Variants in BCORL1 observed in about 807,000 individuals in gnomAD.
The protein encoded by BCORL1 is BCL-6 corepressor-like protein 1.
In BCORL1, 7 loss-of-function variants were observed where a neutral mutation model predicts 87.6. The ratio of observed to expected loss-of-function variants is 0.08; its 90% CI spans 0.05 to 0.15. The LOEUF (loss-of-function observed/expected upper bound fraction) is 0.15. Ranked by LOEUF, BCORL1 falls within the 10% of genes least tolerant of loss-of-function variation. BCORL1 has a pLI of 1.00. For missense variants in BCORL1, 1,215 were observed against 1,499.7 expected, an observed-to-expected ratio of 0.81 and a Z score of 3.13; for synonymous variants, 591 against 634.4, an observed-to-expected ratio of 0.93 and a Z score of 1.03.
chrX:130,024,287 G>A (rs1437787525), intron 6 of BCORL1, among the ~76,000 whole-genome samples: 1 of 111,122 alleles, frequency 9.0e-6, no homozygotes, highest in East Asian at 2.8e-4. Flanking sequence ...GGTGGAGGGA[G>A]GTGCCTGGGA....
At chrX:130,025,874 A>G (rs1454666597) in intron 7 of BCORL1, among the ~76,000 whole-genome samples, 1 of 111,121 alleles carries the variant, frequency 9.0e-6, no homozygotes, top group Non-Finnish European at 1.9e-5. Flanking sequence ...CGGGCACAGC[A>G]TTGCTTTATC....
In BCORL1 at chrX:130,015,132, C is replaced by T; in HGVS notation, c.2360C>T (p.Pro787Leu). The change falls in exon 4 of 14, where the codon CCA becomes CTA. Residue 787 changes from proline (P) to leucine (L), a missense_variant. Transcript: ENST00000540052. ...CCAAGCACAGTGAAACGATATACTC[C>T]AGCCCGCATTGCCCCTGGGCTGCCA... ...GQPSTVKRYT[P>L]ARIAPGLPGC... is the part of the protein sequence containing the mutation. 1 of 1,212,347 alleles carries T rather than the reference C, an allele frequency of 8.2e-7. No homozygotes were observed. Among genetic ancestry groups the T allele is most frequent in the Non-Finnish European group, 1.1e-6 (1 of 895,624 alleles).
chrX:130,039,431 A>G, intron 11 of BCORL1, 149 bp downstream of exon 11: 4 of 766,024 alleles, frequency 5.2e-6, no homozygotes, highest in Non-Finnish European at 7.4e-6. Flanking sequence ...CAAAGAGCTC[A>G]AGAATCTCAG....
At chrX:130,052,546 G>A (rs754497848) in intron 13 of BCORL1, among the ~76,000 whole-genome samples, 1 of 112,216 alleles carries the variant, frequency 8.9e-6, no homozygotes, top group South Asian at 3.7e-4. Flanking sequence ...TATTTAAGGA[G>A]ACTAGAATAT....
chrX:130,057,299 A>G lies in BCORL1; in HGVS notation c.*1163A>G, dbSNP rs2124601210. The G allele has an allele frequency of 9.0e-6, 1 of 111,195 alleles. No individual in the cohort carries two copies. Among genetic ancestry groups the G allele is most frequent in the East Asian group, 2.9e-4 (1 of 3,483 alleles). 9.2% of individuals were successfully genotyped at this position (111,195 alleles called of 1,213,427 possible). On this transcript the variant is annotated 3_prime_UTR_variant, in exon 14 of 14. Coordinates refer to ENST00000540052, the MANE Select transcript of BCORL1 (RefSeq NM_001379451.1). ...GCTGTTTCCTAGGCAAGGGCAGGAA[A>G]GTGGTCTCCAGCCCTTGCTCCACTC... is the stretch of plus-strand genomic sequence containing the variant.
chrX:130,011,780 G>A (rs1928994763), intron 2 of BCORL1, among the ~76,000 whole-genome samples: 1 of 110,551 alleles, frequency 9.0e-6, no homozygotes, highest in Admixed American at 9.7e-5. Context: ...TTTTCGGACA[G>A]GAGAGAACAA....
rs944844361 is a variant in BCORL1 at position 130,034,444 on chromosome X, C to T, written c.4306-11C>T. On this transcript the variant is annotated splice_polypyrimidine_tract_variant and intron_variant, in intron 8 of 13. Coordinates refer to ENST00000540052, the MANE Select transcript of BCORL1 (RefSeq NM_001379451.1). ...CCTGACCTGACCTAGGACTGCATCT[C>T]TGCTTTCCAGGGCAAAGGTCGTTGG... The T allele has an allele frequency of 4.0e-5, 39 of 978,847 alleles. No homozygotes were observed. Among genetic ancestry groups the T allele is most frequent in the Non-Finnish European group, 5.0e-5 (38 of 753,675 alleles). The allele number at this position is 978,847 out of a possible 1,213,427, so 80.7% of individuals were successfully genotyped here. A position where few individuals can be genotyped will look rare whatever the true frequency, so the allele number is the denominator to read the frequency against.
At chrX:130,054,137 ACT>A (rs1347529847) in intron 13 of BCORL1, among the ~76,000 whole-genome samples, 1 of 111,946 alleles carries the variant, frequency 8.9e-6, no homozygotes, top group Admixed American at 9.5e-5. Flanking sequence ...TATATAATTA[ACT>A]CTAATAAAAG....
upstream of BCORL1, among the ~76,000 whole-genome samples, chrX:129,982,033 AGAG>A (rs1170548575): frequency 7.3e-5 from 8 of 110,239 alleles, no homozygotes; most frequent in Non-Finnish European, 1.3e-4. Flanking sequence ...GCTGCCCGGC[AGAG>A]GAGATCTGGG....
chrX:130,003,433 C>T (rs1310445594), intron 1 of BCORL1, among the ~76,000 whole-genome samples: 1 of 106,035 alleles, frequency 9.4e-6, no homozygotes, highest in African/African-American at 3.5e-5. Context: ...AGTGCAATGG[C>T]ATGGTATCAG....
intron 7 of BCORL1, 88 bp from the exon 8 acceptor site, chrX:130,028,547 A>G (rs763231086): frequency 8.6e-6 from 7 of 815,983 alleles, no homozygotes; most frequent in East Asian, 6.3e-5. Context: ...CTAATCCCCA[A>G]AGTCCTCTGA....
At chrX:130,052,096 G>T (rs1932111227) in intron 13 of BCORL1, 80 bp downstream of exon 13, 2 of 989,900 alleles carry the variant, frequency 2.0e-6, no homozygotes, top group African/African-American at 1.9e-5. Flanking sequence ...CCACGAGGAA[G>T]TGAAGACCTG....
chrX:130,003,273 G>A (rs1001504801), intron 1 of BCORL1, among the ~76,000 whole-genome samples: 1 of 110,811 alleles, frequency 9.0e-6, no homozygotes, highest in Non-Finnish European at 1.9e-5. Flanking sequence ...CCTGTTCACC[G>A]TATTTCAGAT....
At chrX:129,985,726 G>A (rs1926549104) in intron 1 of BCORL1, among the ~76,000 whole-genome samples, 1 of 111,693 alleles carries the variant, frequency 9.0e-6, no homozygotes, top group South Asian at 3.7e-4. Flanking sequence ...GGCAACTTAG[G>A]CAACTGCCCT....
chrX:129,980,321 G>T (rs1349609801), upstream of BCORL1, among the ~76,000 whole-genome samples: 1 of 111,921 alleles, frequency 8.9e-6, no homozygotes, highest in Non-Finnish European at 1.9e-5. Context: ...CCCTCCTCCC[G>T]CTTCGCCCGC....
intron 7 of BCORL1, among the ~76,000 whole-genome samples, chrX:130,026,397 A>G (rs1178975660): frequency 1.8e-5 from 2 of 112,600 alleles, no homozygotes; most frequent in South Asian, 3.7e-4. Context: ...TCTACGCTCA[A>G]GAGAGTAATT....
At chrX:130,002,803 G>A (rs1270582978) in intron 1 of BCORL1, among the ~76,000 whole-genome samples, 2 of 107,514 alleles carry the variant, frequency 1.9e-5, no homozygotes, top group Admixed American at 2.0e-4. Flanking sequence ...ATGGGTAGGG[G>A]GATGAGAAAG....
At chrX:129,999,684 TC>T (rs752561238) in intron 1 of BCORL1, among the ~76,000 whole-genome samples, 1,133 of 90,783 alleles carry the variant, frequency 0.012, 4 homozygotes, top group Middle Eastern at 0.048. Context: ...TAATTCTTTT[TC>T]CCCCCCCCCA....
Position 130,013,701 on chromosome X carries a change from C to T in BCORL1, c.929C>T (p.Ser310Leu). Residue 310 changes from serine to leucine, a missense_variant, in exon 4 of 14, where the codon TCA becomes TTA. This residue lies in a region of BCORL1 where 861 missense variants were observed against 1,010.0 expected (regional missense o/e 0.85). Coordinates refer to ENST00000540052, the MANE Select transcript of BCORL1 (RefSeq NM_001379451.1). ...CCTGCCCCGCTTTCAGTCCCAGTTT[C>T]AGCTCCTCCCTTGGCTCTCATCCAG... The part of the protein sequence containing the change: ...PAPAPLSVPV[S>L]APPLALIQAP... The T allele has an allele frequency of 8.3e-7, 1 of 1,209,856 alleles. No individual in the cohort carries two copies. The highest frequency in any genetic ancestry group is 1.1e-6 in the Non-Finnish European group (1 of 894,635).
Sources: gnomAD v4.1 joint callset for allele counts (sites outside exome capture counted in the v4.1 genomes callset) on GRCh38, gnomAD v4.1.1 for gene constraint, gnomAD v4.1.1 regional missense constraint, MANE v1.5 for transcripts, NCBI Gene and HGNC (gene_info 2026-07-23, HGNC 2026-07-21) for gene names.